The following IGFL2 variants were observed in gnomAD, a reference collection of about 807,000 sequenced individuals.
The protein encoded by IGFL2 is insulin growth factor-like family member 2.
A neutral mutation model predicts 13.9 loss-of-function variants in IGFL2; 7 were observed. The observed-to-expected ratio is 0.51, with a 90% CI of 0.29 to 0.95. The LOEUF (loss-of-function observed/expected upper bound fraction) is 0.95, where lower values mean the gene tolerates loss of function less well. Among genes scored for constraint, IGFL2 ranks in the 40% least tolerant of loss-of-function variants. IGFL2 has a pLI of 0.08. For synonymous variants in IGFL2, 55 were observed against 55.8 expected (o/e 0.99, Z 0.07); for missense variants, 138 against 147.8 (o/e 0.93, Z 0.34).
chr19:46,151,857 A>T (rs1973514592), intron 1 of IGFL2, among the ~76,000 whole-genome samples: 1 of 152,174 alleles, frequency 6.6e-6, no homozygotes, highest in Non-Finnish European at 1.5e-5. Flanking sequence ...GGTTGCAGTG[A>T]GTCATGATCA....
At chr19:46,098,102 G>T in the IGFL2 span, among the ~76,000 whole-genome samples, 3 of 152,212 alleles carry the variant, frequency 2.0e-5, no homozygotes, top group Non-Finnish European at 2.9e-5. Context: ...GACAGTGGGT[G>T]TTAAAGTCTC....
chr19:46,189,008 T>G, the IGFL2 span, among the ~76,000 whole-genome samples: 2 of 151,798 alleles, frequency 1.3e-5, no homozygotes, highest in Admixed American at 6.6e-5. Flanking sequence ...ATCATAGAAA[T>G]AAAGACACAA....
the IGFL2 span, chr19:46,120,424 A>C: frequency 1.2e-6 from 2 of 1,602,548 alleles, 1 homozygote; most frequent in Non-Finnish European, 1.7e-6. Context: ...TATCCCCTAC[A>C]AAAGCAATTT....
At chr19:46,194,750 G>A in the IGFL2 span, among the ~76,000 whole-genome samples, 3 of 149,794 alleles carry the variant, frequency 2.0e-5, no homozygotes, top group Non-Finnish European at 4.4e-5. Flanking sequence ...TGAACCCCGG[G>A]AAGCAGAGAT....
At chr19:46,090,353 T>C in the IGFL2 span, among the ~76,000 whole-genome samples, 1 of 152,254 alleles carries the variant, frequency 6.6e-6, no homozygotes, top group Non-Finnish European at 1.5e-5. Flanking sequence ...TTCATATTTA[T>C]CCATCTCTTT....
At chr19:46,159,696 C>A (rs1285416708) in intron 1 of IGFL2, 1 of 152,190 alleles carries the variant, frequency 6.6e-6, no homozygotes, top group African/African-American at 2.4e-5. Flanking sequence ...CATATTCCAT[C>A]ATTTTTTTCC....
the IGFL2 span, among the ~76,000 whole-genome samples, chr19:46,086,161 T>G: frequency 1.3e-5 from 2 of 152,118 alleles, no homozygotes; most frequent in Admixed American, 1.3e-4. Flanking sequence ...GAATTTATCT[T>G]TGGTTCTCTT....
the IGFL2 span, among the ~76,000 whole-genome samples, chr19:46,108,997 G>A: frequency 6.6e-6 from 1 of 152,236 alleles, no homozygotes; most frequent in Non-Finnish European, 1.5e-5. Flanking sequence ...ACCCAAGATG[G>A]TAGGTGGATC....
At chr19:46,142,052 T>C (rs16980322), upstream of IGFL2, among the ~76,000 whole-genome samples, 4,897 of 152,276 alleles carry the variant, frequency 0.032, 120 homozygotes, top group East Asian at 0.071. Context: ...CTCATGACTT[T>C]AGGGACCCAG....
chr19:46,167,325 G>A, the IGFL2 span, among the ~76,000 whole-genome samples: 2 of 152,194 alleles, frequency 1.3e-5, no homozygotes, highest in South Asian at 2.1e-4. Flanking sequence ...TCCTGCGTGT[G>A]TGCAGGAGAG....
chr19:46,149,261 C>A (rs1317616327), intron 1 of IGFL2, among the ~76,000 whole-genome samples: 1 of 144,324 alleles, frequency 6.9e-6, no homozygotes, highest in African/African-American at 2.6e-5. Context: ...TTTCTCTTTC[C>A]CACTCACCCC....
chr19:46,209,924 T>C, the IGFL2 span: 1 of 151,918 alleles, frequency 6.6e-6, no homozygotes, highest in South Asian at 2.1e-4. Flanking sequence ...GCCATTGAAT[T>C]GCACACTTGA....
At chr19:46,206,513 G>A in the IGFL2 span, among the ~76,000 whole-genome samples, 27 of 152,260 alleles carry the variant, frequency 1.8e-4, no homozygotes, top group South Asian at 3.5e-3. Flanking sequence ...CAACATGCCC[G>A]GACAGGTAGT....
At chr19:46,178,399 C>A in the IGFL2 span, among the ~76,000 whole-genome samples, 16 of 152,130 alleles carry the variant, frequency 1.1e-4, no homozygotes, top group African/African-American at 3.1e-4. Context: ...TGAAGGAAAT[C>A]AAAATATTTT....
chr19:46,185,447 C>T, the IGFL2 span, among the ~76,000 whole-genome samples: 1 of 152,204 alleles, frequency 6.6e-6, no homozygotes, highest in Non-Finnish European at 1.5e-5. Context: ...CACTCCTGCT[C>T]CCTTAGAAAA....
At chr19:46,119,131 A>G in the IGFL2 span, among the ~76,000 whole-genome samples, 1 of 152,124 alleles carries the variant, frequency 6.6e-6, no homozygotes, top group African/African-American at 2.4e-5. Context: ...TGAGGTGATG[A>G]GTTCCACACC....
At chr19:46,099,714 A>G in the IGFL2 span, among the ~76,000 whole-genome samples, 2,011 of 151,144 alleles carry the variant, frequency 0.013, 31 homozygotes, top group Middle Eastern at 0.027. Context: ...TTTTAGTAGA[A>G]ACGGGGTTTC....
chr19:46,210,701 T>A, the IGFL2 span, among the ~76,000 whole-genome samples: 80 of 152,248 alleles, frequency 5.3e-4, no homozygotes, highest in African/African-American at 1.9e-3. Context: ...TGGCAGCTGA[T>A]TAGACAGTGT....
chr19:46,148,380 TC>T (rs1157615225), intron 1 of IGFL2, 83 bp downstream of exon 1: 1 of 1,212,030 alleles, frequency 8.3e-7, no homozygotes, highest in Non-Finnish European at 1.2e-6. Flanking sequence ...AATTCTCTCT[TC>T]CCTATTTAAT....
Sources: allele counts gnomAD v4.1 joint callset (sites outside exome capture counted in the v4.1 genomes callset), GRCh38; gene constraint gnomAD v4.1.1; transcripts MANE v1.5; gene names NCBI Gene and HGNC (gene_info 2026-07-23, HGNC 2026-07-21).